NFATC1: variants seen among roughly 807,000 people sequenced by gnomAD.
NFATC1 encodes nuclear factor of activated T cells 1.
In NFATC1, 22 loss-of-function variants were observed where a neutral mutation model predicts 76.0. The ratio of observed to expected loss-of-function variants is 0.29; its 90% confidence interval spans 0.21 to 0.41. The LOEUF (loss-of-function observed/expected upper bound fraction) is 0.41, where lower values mean the gene tolerates loss of function less well. Ranked by LOEUF, NFATC1 falls within the 10% of genes least tolerant of loss-of-function variation. NFATC1 has a pLI of 1.00. For missense variants in NFATC1, 1,357 were observed against 1,337.7 expected (o/e 1.01, Z -0.23); for synonymous variants, 704 against 613.1 (o/e 1.15, Z -2.19).
intron 8 of NFATC1, among the ~76,000 whole-genome samples, chr18:79,472,049 T>A (rs2088808703): frequency 6.6e-6 from 1 of 152,178 alleles, no homozygotes; most frequent in South Asian, 2.1e-4. Context: ...CAGCAATAAC[T>A]GTGGCATCGG....
intron 1 of NFATC1, 75 bp downstream of exon 1, chr18:79,396,426 C>G (rs1185640070): frequency 4.0e-6 from 4 of 998,568 alleles, no homozygotes; most frequent in Non-Finnish European, 5.0e-6. Flanking sequence ...GACCCCGCCC[C>G]CGTCGCCCGC....
chr18:79,490,883 CAT>C (rs1234524559), intron 9 of NFATC1, among the ~76,000 whole-genome samples: 4 of 152,134 alleles, frequency 2.6e-5, no homozygotes. Flanking sequence ...AACGCCGTGA[CAT>C]AAACGAGGTC....
chr18:79,435,570 C>G (rs1474843060), intron 3 of NFATC1, among the ~76,000 whole-genome samples: 1 of 152,068 alleles, frequency 6.6e-6, no homozygotes. Context: ...TCTCTGCGGA[C>G]ACAGCTCAGT....
intron 3 of NFATC1, among the ~76,000 whole-genome samples, chr18:79,447,505 G>A (rs1237028009): frequency 6.6e-6 from 1 of 152,348 alleles, no homozygotes; most frequent in Admixed American, 6.5e-5. Context: ...AGGGGTCGAC[G>A]CGTCCCAGGA....
chr18:79,472,871 C>T (rs984923260), intron 8 of NFATC1, among the ~76,000 whole-genome samples: 52 of 152,332 alleles, frequency 3.4e-4, no homozygotes, highest in African/African-American at 1.2e-3. Flanking sequence ...CGGCTGTGGG[C>T]ACCTTGACGC....
chr18:79,506,112 C>A (rs2090116029), intron 9 of NFATC1, among the ~76,000 whole-genome samples: 1 of 152,194 alleles, frequency 6.6e-6, no homozygotes, highest in African/African-American at 2.4e-5. Context: ...ATGCCACGTG[C>A]TTTTTACTTT....
intron 8 of NFATC1, 56 bp from the exon 9 acceptor site, chr18:79,486,192 C>T: frequency 6.6e-7 from 1 of 1,517,374 alleles, no homozygotes; most frequent in Non-Finnish European, 9.0e-7. Context: ...ACAAGCCTGC[C>T]TGATCACACT....
At chr18:79,482,181 A>C (rs1412702504) in intron 8 of NFATC1, among the ~76,000 whole-genome samples, 536 of 70,402 alleles carry the variant, frequency 7.6e-3, no homozygotes, top group Middle Eastern at 0.014. Flanking sequence ...CCTGGGGTGT[A>C]ATTCCAGCAT....
At chr18:79,401,859 T>C (rs557325) in intron 1 of NFATC1, among the ~76,000 whole-genome samples, 138,592 of 152,280 alleles carry the variant, frequency 0.91, 63,160 homozygotes, top group East Asian at 1. Context: ...GGCCCAGTGC[T>C]GCCAGAACCC....
chr18:79,475,429 G>A (rs898217659), intron 8 of NFATC1, among the ~76,000 whole-genome samples: 2 of 151,292 alleles, frequency 1.3e-5, no homozygotes, highest in African/African-American at 4.9e-5. Context: ...GTAAACCCGA[G>A]GGAAGCGTGT....
intron 9 of NFATC1, among the ~76,000 whole-genome samples, chr18:79,487,291 C>G (rs1419709376): frequency 1.3e-5 from 2 of 152,240 alleles, no homozygotes; most frequent in Non-Finnish European, 2.9e-5. Context: ...AAAGCCCTGA[C>G]TTGGAGAGGG....
chr18:79,431,130 C>T (rs1274134979), intron 2 of NFATC1, among the ~76,000 whole-genome samples: 1 of 152,204 alleles, frequency 6.6e-6, no homozygotes, highest in African/African-American at 2.4e-5. Flanking sequence ...GGCCCAAAAC[C>T]CCACAGAGCG....
intron 9 of NFATC1, among the ~76,000 whole-genome samples, chr18:79,495,097 G>C (rs983461819): frequency 6.6e-5 from 10 of 152,224 alleles, no homozygotes; most frequent in Non-Finnish European, 1.3e-4. Context: ...GCACTGAGAC[G>C]GGTGCTGAAC....
At chr18:79,438,092 C>G (rs1306062533) in intron 3 of NFATC1, among the ~76,000 whole-genome samples, 2 of 152,216 alleles carry the variant, frequency 1.3e-5, no homozygotes, top group Non-Finnish European at 2.9e-5. Flanking sequence ...CCGGAGGAGA[C>G]CTGGAGTCCG....
intron 8 of NFATC1, among the ~76,000 whole-genome samples, chr18:79,477,586 G>A (rs528597549): frequency 6.7e-6 from 1 of 149,370 alleles, no homozygotes; most frequent in Non-Finnish European, 1.5e-5. Context: ...AGGGAGTCCG[G>A]GGCACTGTCT....
At chr18:79,514,070 G>C (rs2090323668) in intron 9 of NFATC1, among the ~76,000 whole-genome samples, 1 of 152,176 alleles carries the variant, frequency 6.6e-6, no homozygotes, top group Non-Finnish European at 1.5e-5. Context: ...GCGCTGCCCA[G>C]GTTCAGCTGT....
At position 79,464,563 on chromosome 18, in the gene NFATC1, G is replaced by A. The variant is rs537519136; in HGVS notation, c.1960-2887G>A. On this transcript the variant is annotated intron_variant, in intron 7 of 9. Coordinates refer to ENST00000427363, the MANE Select transcript of NFATC1 (RefSeq NM_001278669.2). ...TAACCACTGCTGGCATTGGGCATGC[G>A]TCCTGCTCCATTTGCTGCTGTGTGT... Among the ~76,000 whole-genome samples the A allele has an allele frequency of 6.6e-5, 10 of 150,722 alleles. No individual in the cohort carries two copies. In the East Asian group the frequency reaches 9.8e-4, roughly 15 times the overall value.
chr18:79,412,077 C>T (rs897985107), intron 2 of NFATC1, among the ~76,000 whole-genome samples: 4 of 152,258 alleles, frequency 2.6e-5, no homozygotes, highest in Non-Finnish European at 4.4e-5. Flanking sequence ...TCCTGCTCCC[C>T]AGAGACGCCG....
At chr18:79,433,930 A>G (rs1568957024) in intron 3 of NFATC1, among the ~76,000 whole-genome samples, 192 bp downstream of exon 3, 1 of 152,202 alleles carries the variant, frequency 6.6e-6, no homozygotes, top group Non-Finnish European at 1.5e-5. Context: ...CTGCTTCCAC[A>G]CGTGCAGGCC....
Sources: gnomAD v4.1 joint callset for allele counts (sites outside exome capture counted in the v4.1 genomes callset) on GRCh38, gnomAD v4.1.1 for gene constraint, MANE v1.5 for transcripts, NCBI Gene and HGNC (gene_info 2026-07-23, HGNC 2026-07-21) for gene names.